MINPP1: variants seen among roughly 807,000 people sequenced by gnomAD.
MINPP1 encodes multiple inositol polyphosphate phosphatase 1.
MINPP1 carries 28 observed loss-of-function variants against 46.1 expected under a neutral mutation model. That is an observed-to-expected ratio of 0.61 (90% CI 0.45 to 0.83). The LOEUF (loss-of-function observed/expected upper bound fraction) is 0.83. MINPP1 is among the 40% of genes least tolerant of loss of function. MINPP1 has a pLI of 0.00. For synonymous variants in MINPP1, 268 were observed against 249.1 expected, an observed-to-expected ratio of 1.08 and a Z score of -0.72; for missense variants, 603 against 610.0, an observed-to-expected ratio of 0.99 and a Z score of 0.12.
At chr10:87,509,586 T>C (rs1158688126) in intron 2 of MINPP1, 2 of 172,462 alleles carry the variant, frequency 1.2e-5, no homozygotes, top group African/African-American at 4.7e-5. Flanking sequence ...TTAAATAAAT[T>C]GAGGTCTACT....
chr10:87,515,384 C>T (rs1481993087), intron 3 of MINPP1, among the ~76,000 whole-genome samples: 1 of 150,654 alleles, frequency 6.6e-6, no homozygotes, highest in Non-Finnish European at 1.5e-5. Context: ...AAGACTCTGT[C>T]TCAGAAAAAA....
intron 2 of MINPP1, among the ~76,000 whole-genome samples, chr10:87,509,221 G>A (rs761248793): frequency 6.6e-6 from 1 of 152,092 alleles, no homozygotes; most frequent in Non-Finnish European, 1.5e-5. Context: ...GTTCCATAGG[G>A]TAGATGTTGA....
At position 87,552,711 on chromosome 10, in the gene MINPP1, C is replaced by A; in HGVS notation, c.*233C>A. 1 of 501,632 alleles carries A rather than the reference C, an allele frequency of 2.0e-6. No homozygotes were observed. Among genetic ancestry groups the A allele is most frequent in the South Asian group, 2.7e-5 (1 of 36,756 alleles). 31.1% of individuals were successfully genotyped at this position (501,632 alleles called of 1,614,324 possible). On this transcript the variant is annotated 3_prime_UTR_variant, in exon 5 of 5. Coordinates refer to ENST00000371996, the MANE Select transcript of MINPP1 (RefSeq NM_004897.5). ...AAATCTATTTAGAGAAACAGCTGGC[C>A]CTGCAAATGTTTACAGAAATGAAAT...
At chr10:87,546,316 G>A (rs1851885746) in intron 4 of MINPP1, among the ~76,000 whole-genome samples, 1 of 152,164 alleles carries the variant, frequency 6.6e-6, no homozygotes, top group African/African-American at 2.4e-5. Context: ...ACAGATGGGA[G>A]TGTCTTTTAG....
intron 4 of MINPP1, among the ~76,000 whole-genome samples, chr10:87,533,438 A>G (rs562586813): frequency 1.3e-5 from 2 of 152,270 alleles, no homozygotes; most frequent in East Asian, 3.9e-4. Context: ...ATTTAAGCAG[A>G]TATTTCTATT....
intron 2 of MINPP1, among the ~76,000 whole-genome samples, chr10:87,511,702 A>G (rs1314171247): frequency 2.0e-5 from 3 of 152,078 alleles, no homozygotes; most frequent in Admixed American, 1.3e-4. Flanking sequence ...TGTACTCTGA[A>G]GAGTTTTTTG....
intron 4 of MINPP1, among the ~76,000 whole-genome samples, chr10:87,542,100 T>TCATACTCATACATA (rs1851823425): frequency 6.6e-6 from 1 of 152,108 alleles, no homozygotes; most frequent in Non-Finnish European, 1.5e-5. Context: ...GTCTACAAAG[T>TCATACTCATACATA]CTCATCTGGA....
intron 2 of MINPP1, among the ~76,000 whole-genome samples, chr10:87,512,848 A>G (rs1479577126): frequency 6.6e-6 from 1 of 152,330 alleles, no homozygotes; most frequent in East Asian, 1.9e-4. Context: ...AAAGGCAGAA[A>G]AAAGTTACCA....
intron 4 of MINPP1, among the ~76,000 whole-genome samples, chr10:87,522,988 A>G (rs936805901): frequency 2.0e-5 from 3 of 152,248 alleles, no homozygotes; most frequent in African/African-American, 7.2e-5. Context: ...ATCTCAAGAA[A>G]CCACTTTGTT....
chr10:87,531,237 T>A (rs966845036), intron 4 of MINPP1, among the ~76,000 whole-genome samples: 15 of 152,252 alleles, frequency 9.9e-5, no homozygotes, highest in African/African-American at 3.6e-4. Context: ...ATGAACCCGC[T>A]ACCTCAGTTG....
chr10:87,506,030 T>G (rs1301133101), intron 1 of MINPP1, among the ~76,000 whole-genome samples: 1 of 151,886 alleles, frequency 6.6e-6, no homozygotes, highest in Non-Finnish European at 1.5e-5. Flanking sequence ...CTTTTTTTTT[T>G]TTTTTAAACT....
At chr10:87,549,938 G>C (rs576487920) in intron 4 of MINPP1, among the ~76,000 whole-genome samples, 1 of 152,306 alleles carries the variant, frequency 6.6e-6, no homozygotes, top group Admixed American at 6.5e-5. Flanking sequence ...GGTGACAGTA[G>C]TGTTAGTTTA....
At chr10:87,518,344 G>A (rs1851444818) in intron 3 of MINPP1, among the ~76,000 whole-genome samples, 1 of 151,558 alleles carries the variant, frequency 6.6e-6, no homozygotes, top group East Asian at 1.9e-4. Context: ...ATTTCTAATA[G>A]TAGATTTTAT....
chr10:87,552,592 G>C lies in MINPP1; in HGVS notation c.*114G>C. 9.3e-7 allele frequency: 1 copy of C among 1,080,276 alleles called. No homozygotes were observed. The highest frequency in any genetic ancestry group is 1.4e-6 in the Non-Finnish European group (1 of 735,124). 66.9% of individuals were successfully genotyped at this position (1,080,276 alleles called of 1,614,324 possible). A position where few individuals can be genotyped will look rare whatever the true frequency, so the allele number is the denominator to read the frequency against. Reference sequence around the variant, plus strand: ...GCTTTTATATTACTTGAGTATTTCTGTCTTTTCACAGAAAAACATTGGGTT... The same window carrying C: ...GCTTTTATATTACTTGAGTATTTCTCTCTTTTCACAGAAAAACATTGGGTT... On this transcript the variant is annotated 3_prime_UTR_variant, in exon 5 of 5. Transcript: ENST00000371996.
At chr10:87,510,637 A>G (rs1851321486) in intron 2 of MINPP1, among the ~76,000 whole-genome samples, 1 of 152,186 alleles carries the variant, frequency 6.6e-6, no homozygotes, top group Non-Finnish European at 1.5e-5. Flanking sequence ...GGCATAACCT[A>G]TAATCCCAGC....
At chr10:87,551,838 A>C (rs531142010) in intron 4 of MINPP1, among the ~76,000 whole-genome samples, 2 of 152,276 alleles carry the variant, frequency 1.3e-5, no homozygotes, top group South Asian at 4.1e-4. Flanking sequence ...ATATGTATGC[A>C]CACTTATATG....
At chr10:87,533,847 G>A (rs986982643) in intron 4 of MINPP1, among the ~76,000 whole-genome samples, 3 of 152,024 alleles carry the variant, frequency 2.0e-5, no homozygotes, top group African/African-American at 4.8e-5. Context: ...GTGACACCAA[G>A]TGATTTTAGT....
rs1381485159 is a variant in MINPP1, at chr10:87,504,948, C to T, written c.33C>T (p.Thr11=). The T allele has an allele frequency of 6.2e-6, 10 of 1,611,662 alleles. No homozygotes were observed. The highest frequency in any genetic ancestry group is 8.5e-6 in the Non-Finnish European group (10 of 1,179,426). The change falls in exon 1 of 5, where the codon ACC becomes ACT. Residue 11 remains threonine, a synonymous_variant. Transcript: ENST00000371996. ...GCGCGCCCGGCTGCCTCCTCCGGACCTCCGTAGCGCCTGCCGCGGCCCTGG... is the reference window on the plus strand; with the variant it reads ...GCGCGCCCGGCTGCCTCCTCCGGACTTCCGTAGCGCCTGCCGCGGCCCTGG... MLRAPGCLLR[T]SVAPAAALAA...
chr10:87,549,710 A>C (rs1458098698), intron 4 of MINPP1, among the ~76,000 whole-genome samples: 1 of 152,188 alleles, frequency 6.6e-6, no homozygotes, highest in Non-Finnish European at 1.5e-5. Context: ...TCTTCTGGTT[A>C]GACAGTGGAG....
Sources: allele counts gnomAD v4.1 joint callset (sites outside exome capture counted in the v4.1 genomes callset), GRCh38; gene constraint gnomAD v4.1.1; transcripts MANE v1.5; gene names NCBI Gene and HGNC (gene_info 2026-07-23, HGNC 2026-07-21).